The following CWC27 variants were observed in gnomAD, a reference collection of about 807,000 sequenced individuals.
CWC27 encodes the protein CWC27 spliceosome associated cyclophilin.
CWC27 carries 47 observed loss-of-function variants against 63.6 expected under a neutral mutation model. The observed-to-expected ratio is 0.74, with a 90% CI of 0.58 to 0.94. CWC27 has a LOEUF of 0.94. Ranked by LOEUF, CWC27 falls within the 40% of genes least tolerant of loss-of-function variation. The pLI, the probability that CWC27 is intolerant of heterozygous loss-of-function variation, is 0.00. For missense variants in CWC27, 495 were observed against 554.3 expected (o/e 0.89, Z 1.07); for synonymous variants, 175 against 179.8 (o/e 0.97, Z 0.22).
intron 10 of CWC27, among the ~76,000 whole-genome samples, chr5:64,827,855 C>A (rs896201477): frequency 6.6e-6 from 1 of 152,022 alleles, no homozygotes; most frequent in Admixed American, 6.6e-5. Flanking sequence ...TTTTAAATTG[C>A]ATGCTGTTCT....
intron 10 of CWC27, among the ~76,000 whole-genome samples, chr5:64,878,703 A>G (rs571390752): frequency 3.6e-4 from 54 of 151,908 alleles, no homozygotes; most frequent in African/African-American, 7.9e-4. Flanking sequence ...GAAATAGGGG[A>G]AAAACACCAT....
At chr5:64,840,362 TAAAAAAAAAAA>T (rs10534375) in intron 10 of CWC27, among the ~76,000 whole-genome samples, 37 of 22,190 alleles carry the variant, frequency 1.7e-3, no homozygotes, top group Admixed American at 4.6e-3. Flanking sequence ...CCTTTTTCAT[TAAAAAAAAAAA>T]AAAAAAAAAA....
chr5:64,854,389 C>T (rs895905364), intron 10 of CWC27, among the ~76,000 whole-genome samples: 1 of 152,206 alleles, frequency 6.6e-6, no homozygotes, highest in Admixed American at 6.5e-5. Flanking sequence ...GCAACTGCAT[C>T]GTTTTGCATT....
chr5:64,972,122 AT>A (rs1190096897), intron 12 of CWC27, among the ~76,000 whole-genome samples: 1 of 152,152 alleles, frequency 6.6e-6, no homozygotes, highest in Non-Finnish European at 1.5e-5. Flanking sequence ...TGTAGTGAAT[AT>A]TATGAAATGA....
rs543100662 is a variant in CWC27, at chr5:64,899,721, T to C, written c.1042+14175T>C. Among the ~76,000 whole-genome samples, 17 of 152,326 alleles carry C rather than the reference T, an allele frequency of 1.1e-4. No homozygotes were observed. In the South Asian group the frequency reaches 3.1e-3, roughly 28 times the overall value. ...TTGAAGAATAATTTAAAGTGAACTG[T>C]TTGACATGTTTTGACGTATGTCTAT... On this transcript the variant is annotated intron_variant, in intron 11 of 13. Transcript: ENST00000381070.
At chr5:64,804,636 A>G (rs572497348) in intron 10 of CWC27, 69 of 345,772 alleles carry the variant, frequency 2.0e-4, no homozygotes, top group East Asian at 9.4e-4. Context: ...GAAAGGCTCT[A>G]TACTTTCATA....
chr5:64,827,684 AATTAT>A (rs1282249920), intron 10 of CWC27, among the ~76,000 whole-genome samples: 1 of 152,166 alleles, frequency 6.6e-6, no homozygotes, highest in Non-Finnish European at 1.5e-5. Context: ...TAGCTATTTA[AATTAT>A]ATTATATCAT....
chr5:65,009,827 T>A (rs1478182684), intron 13 of CWC27, among the ~76,000 whole-genome samples: 1 of 152,238 alleles, frequency 6.6e-6, no homozygotes, highest in Admixed American at 6.5e-5. Flanking sequence ...GGCCATGGTA[T>A]TTTGTTATGG....
chr5:64,956,819 A>AAG (rs1748810980), intron 11 of CWC27, among the ~76,000 whole-genome samples: 1 of 152,180 alleles, frequency 6.6e-6, no homozygotes, highest in African/African-American at 2.4e-5. Context: ...AAACTGGGGT[A>AAG]AGAGATAACC....
chr5:64,800,354 A>C (rs1432687048), intron 8 of CWC27, 27 bp downstream of exon 8: 2 of 1,505,270 alleles, frequency 1.3e-6, no homozygotes, highest in Admixed American at 1.8e-5. Flanking sequence ...TATGATCCTA[A>C]GTTCTTAATT....
chr5:64,828,834 A>T (rs1178739083), intron 10 of CWC27, among the ~76,000 whole-genome samples: 1 of 152,096 alleles, frequency 6.6e-6, no homozygotes, highest in East Asian at 1.9e-4. Flanking sequence ...AACACATCAA[A>T]TTCAGAAACA....
At position 64,885,515 on chromosome 5, in the gene CWC27, T is replaced by C. The variant is rs779263001; in HGVS notation, c.1011T>C (p.Asn337=). The C allele has an allele frequency of 1.2e-6, 2 of 1,604,856 alleles. No individual in the cohort carries two copies. Among genetic ancestry groups the C allele is most frequent in the Non-Finnish European group, 1.7e-6 (2 of 1,175,444 alleles). ...LLAAKQKKVE[N]AAKQAEKRSE... ...CAGCAAAACAAAAAAAAGTAGAAAA[T>C]GCAGCAAAACAAGCAGAAAAAAGAA... The change falls in exon 11 of 14, where the codon AAT becomes AAC. Residue 337 remains asparagine, a synonymous_variant. Coordinates refer to ENST00000381070, the MANE Select transcript of CWC27 (RefSeq NM_005869.4).
intron 13 of CWC27, among the ~76,000 whole-genome samples, chr5:64,999,421 A>G (rs532808890): frequency 3.9e-5 from 6 of 152,204 alleles, no homozygotes; most frequent in African/African-American, 1.2e-4. Flanking sequence ...CTACTGTGCT[A>G]TCAAACACTA....
rs1745612489 is a variant in CWC27 at position 64,834,621 on chromosome 5, C to A, written c.938+30235C>A. On this transcript the variant is annotated intron_variant, in intron 10 of 13. Transcript: ENST00000381070. ...AGCGATTTCCAAGCATTTATCTTAA[C>A]TGTATTTTTACTGATATCTGCCCTT... Among the ~76,000 whole-genome samples, 3 of 151,750 alleles carry A rather than the reference C, an allele frequency of 2.0e-5. No homozygotes were observed. In the South Asian group the frequency reaches 6.2e-4, roughly 31 times the overall value.
chr5:64,957,316 A>G (rs774485811), intron 11 of CWC27, among the ~76,000 whole-genome samples: 1 of 152,042 alleles, frequency 6.6e-6, no homozygotes. Flanking sequence ...CACGGGGTAC[A>G]TAATTTGTAG....
chr5:64,946,487 T>C (rs1190294466), intron 11 of CWC27, among the ~76,000 whole-genome samples: 1 of 152,160 alleles, frequency 6.6e-6, no homozygotes, highest in Non-Finnish European at 1.5e-5. Flanking sequence ...ATAAAATAGA[T>C]GTGCATATTC....
chr5:64,915,078 G>C (rs1001637199), intron 11 of CWC27, among the ~76,000 whole-genome samples: 6 of 152,092 alleles, frequency 3.9e-5, no homozygotes, highest in Non-Finnish European at 8.8e-5. Context: ...TTTGGGTTTG[G>C]GTTTTGTGTT....
chr5:64,998,446 G>C (rs966971238), intron 13 of CWC27, among the ~76,000 whole-genome samples: 1 of 152,114 alleles, frequency 6.6e-6, no homozygotes, highest in Non-Finnish European at 1.5e-5. Flanking sequence ...CACAATGTTA[G>C]ATAGGCAAGA....
At chr5:64,840,380 AAAAAAAAAAAAAAAATATAT>A (rs1745780215) in intron 10 of CWC27, among the ~76,000 whole-genome samples, 1 of 70,202 alleles carries the variant, frequency 1.4e-5, no homozygotes, top group African/African-American at 6.4e-5. Context: ...AAAAAAAAAA[AAAAAAAAAAAAAAAATATAT>A]ATATATATAT....
Sources: allele counts gnomAD v4.1 joint callset (sites outside exome capture counted in the v4.1 genomes callset), GRCh38; gene constraint gnomAD v4.1.1; transcripts MANE v1.5; gene names NCBI Gene and HGNC (gene_info 2026-07-23, HGNC 2026-07-21).